Variants in ERBB4 observed in about 807,000 individuals in gnomAD.
The protein encoded by ERBB4 is erb-b2 receptor tyrosine kinase 4.
A neutral mutation model predicts 158.0 loss-of-function variants in ERBB4; 42 were observed. The ratio of observed to expected loss-of-function variants is 0.27; its 90% CI spans 0.21 to 0.34. The LOEUF is 0.34. ERBB4 is among the 10% of genes least tolerant of loss of function. The pLI, the probability that ERBB4 is intolerant of heterozygous loss-of-function variation, is 1.00. For missense variants in ERBB4, 1,333 were observed against 1,624.1 expected, an observed-to-expected ratio of 0.82 and a Z score of 3.08; for synonymous variants, 583 against 558.7, an observed-to-expected ratio of 1.04 and a Z score of -0.61.
rs537909011 is a variant in ERBB4 at position 211,893,019 on chromosome 2, A to C, written c.421+54411T>G. Among the ~76,000 whole-genome samples the C allele has an allele frequency of 1.7e-4, 25 of 148,368 alleles. No individual in the cohort carries two copies. In the East Asian group the frequency reaches 3.3e-3, roughly 20 times the overall value. ...TTTACAGATTCAATGCCATCCCCAT[A>C]AAGCTACCAAGACTTTCCTCACAGA... On this transcript the variant is annotated intron_variant, in intron 3 of 27. Coordinates refer to ENST00000342788, the MANE Select transcript of ERBB4 (RefSeq NM_005235.3).
intron 1 of ERBB4, among the ~76,000 whole-genome samples, chr2:212,484,778 G>C (rs1360736381): frequency 1.3e-5 from 2 of 152,058 alleles, no homozygotes; most frequent in Admixed American, 1.3e-4. Flanking sequence ...CAAGTATTCT[G>C]GTAACACTAA....
intron 5 of ERBB4, among the ~76,000 whole-genome samples, chr2:211,737,471 C>A (rs942487154): frequency 3.9e-5 from 6 of 152,242 alleles, no homozygotes; most frequent in African/African-American, 1.4e-4. Context: ...TGAGATAATA[C>A]ATGTGAAACT....
At chr2:212,081,221 T>C (rs1401091033) in intron 2 of ERBB4, among the ~76,000 whole-genome samples, 2 of 152,110 alleles carry the variant, frequency 1.3e-5, no homozygotes, top group African/African-American at 4.8e-5. Flanking sequence ...GAGGTAGGTG[T>C]GTGGTGTCCC....
chr2:211,767,484 T>C (rs2075579840), intron 4 of ERBB4, among the ~76,000 whole-genome samples: 1 of 152,188 alleles, frequency 6.6e-6, no homozygotes, highest in Admixed American at 6.6e-5. Flanking sequence ...TATTAGTCCG[T>C]TCTCATGCTG....
intron 3 of ERBB4, among the ~76,000 whole-genome samples, chr2:211,804,865 CTAACAG>C (rs1214839647): frequency 6.6e-6 from 1 of 151,948 alleles, no homozygotes; most frequent in Non-Finnish European, 1.5e-5. Flanking sequence ...CTCTTCATCC[CTAACAG>C]TGAGTGTTCT....
At chr2:211,816,621 A>G (rs895784924) in intron 3 of ERBB4, among the ~76,000 whole-genome samples, 4 of 152,068 alleles carry the variant, frequency 2.6e-5, no homozygotes, top group Admixed American at 1.3e-4. Context: ...TAAAAATAAA[A>G]ACAATATTTT....
At chr2:212,218,961 T>A (rs1251430709) in intron 1 of ERBB4, among the ~76,000 whole-genome samples, 2 of 151,426 alleles carry the variant, frequency 1.3e-5, no homozygotes, top group Non-Finnish European at 3.0e-5. Flanking sequence ...TGCCATTTTT[T>A]TTTTACCACT....
intron 1 of ERBB4, among the ~76,000 whole-genome samples, chr2:212,267,723 G>T (rs542234184): frequency 6.6e-6 from 1 of 150,684 alleles, no homozygotes; most frequent in South Asian, 2.1e-4. Flanking sequence ...AACGTTAGGT[G>T]TATCTCCTAA....
intron 1 of ERBB4, among the ~76,000 whole-genome samples, chr2:212,219,804 A>C (rs1320960899): frequency 6.6e-6 from 1 of 151,436 alleles, no homozygotes; most frequent in African/African-American, 2.4e-5. Flanking sequence ...AAACACTCTT[A>C]GGAGCAAAAT....
intron 1 of ERBB4, among the ~76,000 whole-genome samples, chr2:212,180,159 CTGCCAGTGATATAA>C (rs2125688833): frequency 6.6e-6 from 1 of 151,832 alleles, no homozygotes; most frequent in Admixed American, 6.6e-5. Context: ...AATGTAACAT[CTGCCAGTGATATAA>C]TGGACCAATA....
intron 1 of ERBB4, among the ~76,000 whole-genome samples, chr2:212,378,993 A>T (rs924443090): frequency 6.6e-6 from 1 of 151,798 alleles, no homozygotes; most frequent in Non-Finnish European, 1.5e-5. Context: ...ATTTTGAAAA[A>T]TTTTAAATGT....
chr2:211,648,761 T>C (rs1341787994), intron 16 of ERBB4, among the ~76,000 whole-genome samples: 1 of 151,786 alleles, frequency 6.6e-6, no homozygotes, highest in Non-Finnish European at 1.5e-5. Context: ...CCATAAATCC[T>C]ACAGTATGAT....
At chr2:212,039,635 T>A in intron 2 of ERBB4, among the ~76,000 whole-genome samples, 1 of 152,188 alleles carries the variant, frequency 6.6e-6, no homozygotes, top group East Asian at 1.9e-4. Flanking sequence ...TGAACAATTA[T>A]CATGTGCCAG....
intron 1 of ERBB4, among the ~76,000 whole-genome samples, chr2:212,352,630 G>A (rs1013920289): frequency 5.3e-5 from 8 of 152,152 alleles, no homozygotes; most frequent in African/African-American, 1.9e-4. Context: ...CACTTTGGGA[G>A]GCTGAGACGG....
intron 25 of ERBB4, among the ~76,000 whole-genome samples, chr2:211,409,495 C>T (rs537540718): frequency 2.0e-4 from 30 of 152,090 alleles, no homozygotes; most frequent in Non-Finnish European, 4.0e-4. Flanking sequence ...GACTGAGTCC[C>T]GATACAGACA....
At chr2:212,508,795 C>T (rs1691340890) in intron 1 of ERBB4, among the ~76,000 whole-genome samples, 1 of 151,964 alleles carries the variant, frequency 6.6e-6, no homozygotes, top group African/African-American at 2.4e-5. Flanking sequence ...TGTAATCTTC[C>T]TCCTAGCATT....
At chr2:212,057,480 C>A (rs1247922187) in intron 2 of ERBB4, among the ~76,000 whole-genome samples, 2 of 152,194 alleles carry the variant, frequency 1.3e-5, no homozygotes. Context: ...AATATACATA[C>A]TTCTCAGCAC....
chr2:212,223,356 G>A (rs193106568), intron 1 of ERBB4, among the ~76,000 whole-genome samples: 1 of 145,536 alleles, frequency 6.9e-6, no homozygotes, highest in Non-Finnish European at 1.5e-5. Flanking sequence ...ATATAAAATT[G>A]TCTTTTCAGC....
intron 1 of ERBB4, among the ~76,000 whole-genome samples, chr2:212,176,138 T>C (rs2081654851): frequency 6.6e-6 from 1 of 152,000 alleles, no homozygotes; most frequent in Admixed American, 6.6e-5. Flanking sequence ...AGTCTTTGAT[T>C]ATAGCTCTAA....
Sources: gnomAD v4.1 joint callset for allele counts (sites outside exome capture counted in the v4.1 genomes callset) on GRCh38, gnomAD v4.1.1 for gene constraint, MANE v1.5 for transcripts, NCBI Gene and HGNC (gene_info 2026-07-23, HGNC 2026-07-21) for gene names.